The following CAPN6 variants were observed in gnomAD, a reference collection of about 807,000 sequenced individuals.
CAPN6 encodes calpain 6, also known as calpain-6.
A neutral mutation model predicts 46.0 loss-of-function variants in CAPN6; 16 were observed. The observed-to-expected ratio is 0.35, with a 90% confidence interval of 0.24 to 0.53. CAPN6 has a LOEUF of 0.53. Among genes scored for constraint, CAPN6 ranks in the 20% least tolerant of loss-of-function variants. The pLI is 0.94. For synonymous variants in CAPN6, 206 were observed against 172.8 expected, an observed-to-expected ratio of 1.19 and a Z score of -1.51; for missense variants, 461 against 498.0, an observed-to-expected ratio of 0.93 and a Z score of 0.71.
At chrX:111,248,181 A>G in intron 10 of CAPN6, among the ~76,000 whole-genome samples, 189 bp from the exon 11 acceptor site, 1 of 112,307 alleles carries the variant, frequency 8.9e-6, no homozygotes, top group Middle Eastern at 4.6e-3. Flanking sequence ...CCAGGAGATA[A>G]AGATCAAAGT....
intron 10 of CAPN6, among the ~76,000 whole-genome samples, chrX:111,248,277 GAA>G (rs1358709254): frequency 8.9e-6 from 1 of 112,184 alleles, no homozygotes; most frequent in African/African-American, 3.2e-5. Flanking sequence ...ACCTACTTAA[GAA>G]AAGAGGCCAT....
chrX:111,268,665 C>T (rs1457340203), intron 1 of CAPN6, among the ~76,000 whole-genome samples: 1 of 112,768 alleles, frequency 8.9e-6, no homozygotes, highest in African/African-American at 3.2e-5. Context: ...CTATTTCACC[C>T]CTCCTTTTTT....
chrX:111,264,395 G>A (rs1363698478), intron 1 of CAPN6, among the ~76,000 whole-genome samples: 2 of 111,739 alleles, frequency 1.8e-5, no homozygotes, highest in Non-Finnish European at 3.8e-5. Flanking sequence ...CTGGAGAGTC[G>A]CACACTTTGT....
At chrX:111,252,035 A>G (rs17878763) in intron 5 of CAPN6, among the ~76,000 whole-genome samples, 1,202 of 112,422 alleles carry the variant, frequency 0.011, 15 homozygotes, top group African/African-American at 0.036. Context: ...TAACCTCAAG[A>G]TCTAGAAGCA....
Position 111,246,557 on chromosome X carries a change from GA to G in CAPN6, c.*19del. On this transcript the variant is annotated 3_prime_UTR_variant, in exon 13 of 13. Transcript: ENST00000324068. ...ATAAAAGGGTGGCACGCTTTGTCAG[GA>G]TTCTCTGGGATTGCAGATTTAGAGC... 1 of 1,188,087 alleles carries G rather than the reference GA, an allele frequency of 8.4e-7. No homozygotes were observed. The highest frequency in any genetic ancestry group is 3.0e-5 in the East Asian group (1 of 33,527).
Position 111,252,466 on chromosome X carries a change from C to T in CAPN6, c.540G>A (p.Leu180=). ...AGTCCACAATAATATCAGTGATGGT[C>T]AAACCATCCAGGGCCTCATAACAGC... ...LLGCYEALDG[L]TITDIIVDFT... is the part of the protein sequence containing the mutation. The change falls in exon 5 of 13, where the codon TTG becomes TTA. Residue 180 remains leucine, a synonymous_variant. Coordinates refer to ENST00000324068, the MANE Select transcript of CAPN6 (RefSeq NM_014289.4). 1 of 1,209,434 alleles carries T rather than the reference C, an allele frequency of 8.3e-7. No homozygotes were observed. Among genetic ancestry groups the T allele is most frequent in the Non-Finnish European group, 1.1e-6 (1 of 894,351 alleles).
chrX:111,254,318 A>G lies in CAPN6; in HGVS notation c.251T>C (p.Val84Ala), dbSNP rs754612955. 6.6e-6 allele frequency: 8 copies of G among 1,205,839 alleles called. No homozygotes were observed. The highest frequency in any genetic ancestry group is 9.0e-6 in the Non-Finnish European group (8 of 892,062). Residue 84 changes from valine (V) to alanine (A), a missense_variant, in exon 3 of 13, where the codon GTT becomes GCT. Val to Ala is a moderately conservative substitution (Grantham distance 64). Coordinates refer to ENST00000324068, the MANE Select transcript of CAPN6 (RefSeq NM_014289.4). ...TQGRLGHKPM[V>A]SAFSCLAVQE... ...AACAGCCAAACAGGAAAATGCAGAA[A>G]CCATTGGCTTGTGCCCCAGTCTCCC...
chrX:111,254,249 A>T, intron 3 of CAPN6, 23 bp downstream of exon 3: 1 of 1,153,549 alleles, frequency 8.7e-7, no homozygotes, highest in Non-Finnish European at 1.2e-6. Flanking sequence ...AAACTGAATG[A>T]GGTCCCACAG....
At chrX:111,251,398 A>G in intron 6 of CAPN6, 112 bp from the exon 7 acceptor site, 1 of 937,530 alleles carries the variant, frequency 1.1e-6, no homozygotes, top group Non-Finnish European at 1.5e-6. Flanking sequence ...GTCCTGCTTT[A>G]TTTCATCTGC....
intron 5 of CAPN6, 45 bp from the exon 6 acceptor site, chrX:111,251,787 C>T (rs1007913792): frequency 9.8e-7 from 1 of 1,018,159 alleles, no homozygotes; most frequent in Non-Finnish European, 1.4e-6. Context: ...ATTGGGAGAC[C>T]CAATCCTGAC....
At chrX:111,261,735 G>T (rs1306926878) in intron 2 of CAPN6, among the ~76,000 whole-genome samples, 1 of 111,908 alleles carries the variant, frequency 8.9e-6, no homozygotes, top group Non-Finnish European at 1.9e-5. Context: ...CTGTCTGCTT[G>T]GTGCACTTCT....
intron 10 of CAPN6, 40 bp from the exon 11 acceptor site, chrX:111,248,032 A>G (rs1219188970): frequency 8.6e-7 from 1 of 1,164,490 alleles, no homozygotes; most frequent in East Asian, 3.0e-5. Context: ...CATATGATAA[A>G]TATCCTTTGA....
rs759303147 is a variant in CAPN6, at chrX:111,247,946, G to A, written c.1531C>T (p.Arg511Cys). 3 of 1,210,095 alleles carry A rather than the reference G, an allele frequency of 2.5e-6. No homozygotes were observed. The South Asian group carries it at 5.3e-5, about 21-fold the overall frequency. Residue 511 changes from arginine (R) to cysteine (C), a missense_variant, in exon 11 of 13, where the codon CGT becomes TGT. Arg to Cys is a radical substitution (Grantham distance 180, BLOSUM62 -3). Transcript: ENST00000324068. ...TGAGTAACTACTTTCGGGTAGCCAC[G>A]AGCCAGGTTCCAGCAGGACATTTTG... ...MPKMSCWNLARGYPKVVTQIT... is the reference protein window; with the variant it reads ...MPKMSCWNLACGYPKVVTQIT...
At chrX:111,265,384 C>T (rs1438296350) in intron 1 of CAPN6, among the ~76,000 whole-genome samples, 1 of 112,395 alleles carries the variant, frequency 8.9e-6, no homozygotes, top group African/African-American at 3.2e-5. Context: ...TGAGAATAAC[C>T]ACATTTTTTT....
rs760720180 is a variant in CAPN6, at chrX:111,246,269, G to A, written c.*308C>T. On this transcript the variant is annotated 3_prime_UTR_variant, in exon 13 of 13. Coordinates refer to ENST00000324068, the MANE Select transcript of CAPN6 (RefSeq NM_014289.4). The stretch of plus-strand genomic sequence containing the variant: ...AAAACATCAAAGACATCTGTAGGGT[G>A]TCCAGCCTCTTGTTATTGTCCTACT... The A allele has an allele frequency of 3.9e-4, 108 of 278,906 alleles. No individual in the cohort carries two copies. The highest frequency in any genetic ancestry group is 2.8e-3 in the African/African-American group (102 of 36,223). The allele number at this position is 278,906 out of a possible 1,213,427, so 23.0% of individuals were successfully genotyped here.
intron 2 of CAPN6, among the ~76,000 whole-genome samples, chrX:111,260,527 T>G (rs1417040716): frequency 1.8e-5 from 2 of 112,692 alleles, no homozygotes; most frequent in African/African-American, 6.5e-5. Flanking sequence ...AACCAGGATC[T>G]CAACCTTGCC....
intron 11 of CAPN6, 47 bp downstream of exon 11, chrX:111,247,824 T>C: frequency 8.4e-7 from 1 of 1,184,779 alleles, no homozygotes; most frequent in Non-Finnish European, 1.1e-6. Flanking sequence ...TTATGTGCTA[T>C]AAATGCAACT....
intron 2 of CAPN6, among the ~76,000 whole-genome samples, chrX:111,256,972 A>G (rs1387147474): frequency 9.1e-6 from 1 of 110,203 alleles, no homozygotes; most frequent in Non-Finnish European, 1.9e-5. Context: ...ACAGTCATAG[A>G]ATGTCAAAAC....
chrX:111,246,763 G>A lies in CAPN6; in HGVS notation c.1744-4C>T, dbSNP rs767006015. On this transcript the variant is annotated splice_region_variant and splice_polypyrimidine_tract_variant and intron_variant, in intron 12 of 12. Coordinates refer to ENST00000324068, the MANE Select transcript of CAPN6 (RefSeq NM_014289.4). ...AGAATTTTCGGCTGTTCCAGACCTG[G>A]AAAGACAAACGAAGGGAGTGAAGAT... 2.5e-6 allele frequency: 3 copies of A among 1,204,027 alleles called. No individual in the cohort carries two copies. The Admixed American group carries it at 6.6e-5, about 26-fold the overall frequency.
Sources: allele counts gnomAD v4.1 joint callset (sites outside exome capture counted in the v4.1 genomes callset), GRCh38; gene constraint gnomAD v4.1.1; transcripts MANE v1.5; gene names NCBI Gene and HGNC (gene_info 2026-07-23, HGNC 2026-07-21).